Variants in CCDC30 observed in about 807,000 individuals in gnomAD.
The protein encoded by CCDC30 is coiled-coil domain-containing protein 30.
In CCDC30, 70 loss-of-function variants were observed where a neutral mutation model predicts 100.2. The ratio of observed to expected loss-of-function variants is 0.70; its 90% confidence interval spans 0.58 to 0.85. The LOEUF is 0.85. Ranked by LOEUF, CCDC30 falls within the 40% of genes least tolerant of loss-of-function variation. CCDC30 has a pLI of 0.00. For missense variants in CCDC30, 652 were observed against 771.2 expected (o/e 0.85, Z 1.83); for synonymous variants, 233 against 269.5 (o/e 0.86, Z 1.33).
intron 15 of CCDC30, among the ~76,000 whole-genome samples, chr1:42,647,030 G>A (rs1434312102): frequency 6.6e-6 from 1 of 152,134 alleles, no homozygotes; most frequent in Non-Finnish European, 1.5e-5. Flanking sequence ...AACCTGGGAG[G>A]CAGAGGTTGC....
intron 6 of CCDC30, among the ~76,000 whole-genome samples, chr1:42,502,259 G>GTGGGACCCTCCGAGCCGGA (rs1557809707): frequency 6.6e-6 from 1 of 152,024 alleles, no homozygotes; most frequent in African/African-American, 2.4e-5. Flanking sequence ...TCCGAGCCGG[G>GTGGGACCCTCCGAGCCGGA]CGTGGGACCC....
At chr1:42,648,955 G>A (rs1241134099) in intron 15 of CCDC30, among the ~76,000 whole-genome samples, 1 of 151,628 alleles carries the variant, frequency 6.6e-6, no homozygotes, top group African/African-American at 2.4e-5. Context: ...TAGAAGAAAT[G>A]GATAAATTTC....
intron 6 of CCDC30, among the ~76,000 whole-genome samples, chr1:42,530,307 A>G (rs1026519893): frequency 4.6e-5 from 7 of 152,220 alleles, no homozygotes; most frequent in African/African-American, 1.7e-4. Flanking sequence ...CCACATTCAC[A>G]TAACTTTTAT....
At chr1:42,555,638 G>C (rs1645353202) in intron 6 of CCDC30, among the ~76,000 whole-genome samples, 1 of 152,112 alleles carries the variant, frequency 6.6e-6, no homozygotes, top group African/African-American at 2.4e-5. Flanking sequence ...CCTGTGATGG[G>C]TCATCTCCCT....
intron 6 of CCDC30, among the ~76,000 whole-genome samples, chr1:42,533,723 CTG>C (rs1644846241): frequency 6.6e-6 from 1 of 152,252 alleles, no homozygotes; most frequent in Non-Finnish European, 1.5e-5. Context: ...TTTCATTTGA[CTG>C]TGCCTGTGAG....
At chr1:42,587,700 G>A (rs1646102269) in intron 9 of CCDC30, among the ~76,000 whole-genome samples, 1 of 152,196 alleles carries the variant, frequency 6.6e-6, no homozygotes, top group East Asian at 1.9e-4. Context: ...ATTGTCGAAT[G>A]TCAGGATTTT....
intron 3 of CCDC30, chr1:42,483,121 T>C (rs1643992015): frequency 4.7e-6 from 1 of 211,766 alleles, no homozygotes; most frequent in Non-Finnish European, 9.3e-6. Flanking sequence ...GAGTAACTAC[T>C]GTCCTGACTG....
chr1:42,469,987 G>A (rs1002780961), intron 1 of CCDC30, among the ~76,000 whole-genome samples: 1 of 152,172 alleles, frequency 6.6e-6, no homozygotes, highest in African/African-American at 2.4e-5. Context: ...TTGCATGCCT[G>A]TTTGATTTTG....
chr1:42,548,831 T>A (rs767263842), intron 6 of CCDC30, among the ~76,000 whole-genome samples: 2 of 152,102 alleles, frequency 1.3e-5, no homozygotes, highest in Non-Finnish European at 2.9e-5. Flanking sequence ...GAGTCTTCAA[T>A]TGAAGTGAAG....
At chr1:42,652,642 CT>C (rs1284742665) in intron 15 of CCDC30, among the ~76,000 whole-genome samples, 1 of 152,138 alleles carries the variant, frequency 6.6e-6, no homozygotes, top group Non-Finnish European at 1.5e-5. Flanking sequence ...TCTCCATCCC[CT>C]GATGAATGGA....
At chr1:42,496,800 TCTAGGTC>T (rs1266062563) in intron 4 of CCDC30, among the ~76,000 whole-genome samples, 1 of 152,204 alleles carries the variant, frequency 6.6e-6, no homozygotes, top group Non-Finnish European at 1.5e-5. Context: ...GTTTTAAAAT[TCTAGGTC>T]CTAGAAGAAC....
intron 4 of CCDC30, 146 bp from the exon 5 acceptor site, chr1:42,496,952 G>A (rs142899904): frequency 1.1e-4 from 46 of 401,968 alleles, no homozygotes; most frequent in African/African-American, 9.0e-4. Flanking sequence ...TGGCTCTCCT[G>A]CACAGAGAGC....
chr1:42,629,542 A>G (rs1015793685), intron 11 of CCDC30, among the ~76,000 whole-genome samples: 8 of 152,064 alleles, frequency 5.3e-5, no homozygotes, highest in African/African-American at 1.9e-4. Flanking sequence ...ACCTTCTTGT[A>G]CTTGGATATT....
chr1:42,549,717 A>G (rs1645211842), intron 6 of CCDC30, among the ~76,000 whole-genome samples: 2 of 152,006 alleles, frequency 1.3e-5, no homozygotes, highest in Non-Finnish European at 2.9e-5. Flanking sequence ...ATTTCCCCCT[A>G]CTCCTACTGT....
chr1:42,475,700 T>C (rs755182583), intron 1 of CCDC30, among the ~76,000 whole-genome samples: 1 of 152,244 alleles, frequency 6.6e-6, no homozygotes, highest in Non-Finnish European at 1.5e-5. Flanking sequence ...TAGTCTGAAA[T>C]GTGTATGAGA....
chr1:42,560,519 AC>A (rs1262841830), intron 6 of CCDC30, among the ~76,000 whole-genome samples: 2 of 151,874 alleles, frequency 1.3e-5, no homozygotes, highest in Admixed American at 1.3e-4. Flanking sequence ...ACAGGCACGC[AC>A]CACCATGCCT....
chr1:42,569,913 G>A (rs1645695803), intron 7 of CCDC30, among the ~76,000 whole-genome samples: 1 of 152,174 alleles, frequency 6.6e-6, no homozygotes, highest in Admixed American at 6.5e-5. Flanking sequence ...ACTCATAAGT[G>A]GGAGCTGAAC....
intron 6 of CCDC30, among the ~76,000 whole-genome samples, chr1:42,544,920 T>C (rs1378474204): frequency 6.6e-6 from 1 of 152,150 alleles, no homozygotes; most frequent in Non-Finnish European, 1.5e-5. Context: ...CTTATAGATA[T>C]AGAAGATATC....
At chr1:42,655,605 C>T (rs1195436257), downstream of CCDC30, among the ~76,000 whole-genome samples, 1 of 152,014 alleles carries the variant, frequency 6.6e-6, no homozygotes, top group Non-Finnish European at 1.5e-5. Context: ...AAGAGCTTTT[C>T]CTGGGGGAGG....
Sources: gnomAD v4.1 joint callset for allele counts (sites outside exome capture counted in the v4.1 genomes callset) on GRCh38, gnomAD v4.1.1 for gene constraint, MANE v1.5 for transcripts, NCBI Gene and HGNC (gene_info 2026-07-23, HGNC 2026-07-21) for gene names.